The following RTN4IP1 variants were observed in gnomAD, a reference collection of about 807,000 sequenced individuals.
The protein encoded by RTN4IP1 is NAD(P)H oxidoreductase RTN4IP1, mitochondrial.
Under a neutral mutation model 46.6 loss-of-function variants are expected in RTN4IP1, and 32 were observed. That is an observed-to-expected ratio of 0.69 (90% confidence interval 0.52 to 0.92). The LOEUF (loss-of-function observed/expected upper bound fraction) is 0.92. RTN4IP1 is among the 40% of genes least tolerant of loss of function. The pLI is 0.00. For synonymous variants in RTN4IP1, 167 were observed against 161.8 expected, an observed-to-expected ratio of 1.03 and a Z score of -0.24; for missense variants, 424 against 485.8, an observed-to-expected ratio of 0.87 and a Z score of 1.20.
At chr6:106,593,821 CAG>C (rs928824985) in intron 5 of RTN4IP1, among the ~76,000 whole-genome samples, 13 of 152,106 alleles carry the variant, frequency 8.5e-5, no homozygotes, top group African/African-American at 3.1e-4. Flanking sequence ...GGGCTGCAAA[CAG>C]AGACACTTGA....
rs2114620300 is a variant in RTN4IP1, at chr6:106,577,351, G to A, written c.1084-5248C>T. Among the ~76,000 whole-genome samples, 2 of 149,404 alleles carry A rather than the reference G, an allele frequency of 1.3e-5. 1 individual carries two copies. The highest frequency in any genetic ancestry group is 4.9e-5 in the African/African-American group (2 of 40,808). ...TGGGTAGTGCTATATGGGGGGCTGA[G>A]GTGGGAGGATCACTTCAGCCCAGGA... On this transcript the variant is annotated intron_variant, in intron 8 of 8. Coordinates refer to ENST00000369063, the MANE Select transcript of RTN4IP1 (RefSeq NM_032730.5).
intron 5 of RTN4IP1, among the ~76,000 whole-genome samples, chr6:106,595,419 C>G (rs551843215): frequency 2.6e-5 from 4 of 152,220 alleles, no homozygotes; most frequent in South Asian, 2.1e-4. Context: ...TGCTTAATAC[C>G]CATATCTGCT....
chr6:106,601,633 A>T (rs1389721484), intron 5 of RTN4IP1, among the ~76,000 whole-genome samples: 2 of 151,906 alleles, frequency 1.3e-5, no homozygotes, highest in Non-Finnish European at 2.9e-5. Context: ...GTTTTTTGAG[A>T]CAGAGTTGCA....
intron 4 of RTN4IP1, among the ~76,000 whole-genome samples, chr6:106,609,977 A>G (rs909144904): frequency 3.3e-5 from 5 of 152,208 alleles, no homozygotes; most frequent in African/African-American, 1.2e-4. Flanking sequence ...CTGAGGACAC[A>G]TCGTTTTCTG....
intron 5 of RTN4IP1, among the ~76,000 whole-genome samples, chr6:106,599,809 TC>T (rs1392361288): frequency 1.8e-4 from 28 of 151,622 alleles, no homozygotes; most frequent in Admixed American, 1.6e-3. Context: ...TAGGTTATAA[TC>T]CTAAAATAGG....
rs1776623824 is a variant in RTN4IP1, at chr6:106,625,839, A to G, written c.275-2870T>C. Among the ~76,000 whole-genome samples, 3 of 151,490 alleles carry G rather than the reference A, an allele frequency of 2.0e-5. No homozygotes were observed. The East Asian group carries it at 5.8e-4, about 29-fold the overall frequency. ...CCACCACGCCTGGCTAATTTTTAGT[A>G]GAGACGGGGTTTCTCCATGTTGATC... is the stretch of plus-strand genomic sequence containing the variant. On this transcript the variant is annotated intron_variant, in intron 1 of 8. Coordinates refer to ENST00000369063, the MANE Select transcript of RTN4IP1 (RefSeq NM_032730.5).
At chr6:106,609,038 A>G (rs1776156847) in intron 4 of RTN4IP1, among the ~76,000 whole-genome samples, 1 of 152,200 alleles carries the variant, frequency 6.6e-6, no homozygotes, top group Non-Finnish European at 1.5e-5. Context: ...TCCAGGCTCT[A>G]GAATGCTATA....
At chr6:106,627,073 T>G (rs990620242) in intron 1 of RTN4IP1, among the ~76,000 whole-genome samples, 7 of 152,208 alleles carry the variant, frequency 4.6e-5, no homozygotes, top group Admixed American at 1.3e-4. Context: ...CTACTCATTA[T>G]TTTATTTCCC....
chr6:106,597,706 T>A (rs1394859361), intron 5 of RTN4IP1, among the ~76,000 whole-genome samples: 6 of 151,250 alleles, frequency 4.0e-5, no homozygotes, highest in African/African-American at 7.3e-5. Context: ...TTTTTTTTTT[T>A]AATTATACTT....
At chr6:106,578,426 T>C (rs1034095090) in intron 8 of RTN4IP1, among the ~76,000 whole-genome samples, 1 of 152,188 alleles carries the variant, frequency 6.6e-6, no homozygotes, top group African/African-American at 2.4e-5. Context: ...TGCTATTCAA[T>C]GGCATATGCG....
intron 4 of RTN4IP1, among the ~76,000 whole-genome samples, chr6:106,609,807 A>T (rs1776179443): frequency 6.6e-6 from 1 of 152,224 alleles, no homozygotes; most frequent in Non-Finnish European, 1.5e-5. Context: ...TCATTCCCTC[A>T]AATAAAAAAG....
At chr6:106,572,141 C>T in intron 8 of RTN4IP1, 38 bp from the exon 9 acceptor site, 5 of 1,494,068 alleles carry the variant, frequency 3.3e-6, no homozygotes, top group East Asian at 2.3e-5. Context: ...GATAAAAAAG[C>T]CTACATCTTT....
chr6:106,601,240 G>A (rs954620957), intron 5 of RTN4IP1, among the ~76,000 whole-genome samples: 1 of 152,128 alleles, frequency 6.6e-6, no homozygotes, highest in African/African-American at 2.4e-5. Context: ...GTCAATTCAA[G>A]TTCTTTGCTA....
chr6:106,587,795 A>T lies in RTN4IP1; in HGVS notation c.874T>A (p.Trp292Arg), dbSNP rs772496481. ...AAAGTCACATAGGTGGCTCCTGACC[A>T]TTTCTTGAGAAAATCTGGAGCCCAT... Reference protein sequence around the residue: ...ETWAPDFLKKWSGATYVTLVT... With the variant: ...ETWAPDFLKKRSGATYVTLVT... The change falls in exon 7 of 9, where the codon TGG becomes AGG. Residue 292 changes from tryptophan to arginine, a missense_variant. Trp to Arg is a moderately radical substitution (Grantham distance 101). Coordinates refer to ENST00000369063, the MANE Select transcript of RTN4IP1 (RefSeq NM_032730.5). 1 of 1,613,888 alleles carries T rather than the reference A, an allele frequency of 6.2e-7. No homozygotes were observed. Among genetic ancestry groups the T allele is most frequent in the Non-Finnish European group, 8.5e-7 (1 of 1,179,910 alleles).
chr6:106,614,395 G>A (rs1335083109), intron 4 of RTN4IP1, among the ~76,000 whole-genome samples: 1 of 152,158 alleles, frequency 6.6e-6, no homozygotes, highest in Admixed American at 6.5e-5. Context: ...TGCTCAAGTT[G>A]AGTTTGAGAT....
At chr6:106,617,721 T>C (rs1204339471) in intron 4 of RTN4IP1, among the ~76,000 whole-genome samples, 2 of 152,204 alleles carry the variant, frequency 1.3e-5, no homozygotes, top group Non-Finnish European at 2.9e-5. Flanking sequence ...TTTTCTTATC[T>C]TCTAAATTGT....
At chr6:106,630,259 A>G (rs1776793169), upstream of RTN4IP1, among the ~76,000 whole-genome samples, 1 of 152,220 alleles carries the variant, frequency 6.6e-6, no homozygotes. Context: ...CAGTTCTTCT[A>G]AATGTCACAT....
At chr6:106,625,832 T>A (rs1363524461) in intron 1 of RTN4IP1, among the ~76,000 whole-genome samples, 2 of 151,870 alleles carry the variant, frequency 1.3e-5, no homozygotes, top group Non-Finnish European at 2.9e-5. Flanking sequence ...CCTGGCTAAT[T>A]TTTAGTAGAG....
At chr6:106,583,602 T>G in intron 7 of RTN4IP1, 182 bp from the exon 8 acceptor site, 1 of 533,644 alleles carries the variant, frequency 1.9e-6, no homozygotes, top group Non-Finnish European at 3.4e-6. Context: ...CCATAAATGT[T>G]TAATAAATAA....
Sources: allele counts gnomAD v4.1 joint callset (sites outside exome capture counted in the v4.1 genomes callset), GRCh38; gene constraint gnomAD v4.1.1; transcripts MANE v1.5; gene names NCBI Gene and HGNC (gene_info 2026-07-23, HGNC 2026-07-21).